Variants in DDX59 observed in about 807,000 individuals in gnomAD.
DDX59 encodes the protein probable ATP-dependent RNA helicase DDX59.
A neutral mutation model predicts 51.9 loss-of-function variants in DDX59; 30 were observed. The ratio of observed to expected loss-of-function variants is 0.58; its 90% CI spans 0.43 to 0.78. The LOEUF is 0.78. DDX59 is among the 30% of genes least tolerant of loss of function. DDX59 has a pLI of 0.00. For synonymous variants in DDX59, 255 were observed against 253.3 expected, an observed-to-expected ratio of 1.01 and a Z score of -0.06; for missense variants, 672 against 730.8, an observed-to-expected ratio of 0.92 and a Z score of 0.93.
chr1:200,658,966 A>G, intron 4 of DDX59, 61 bp downstream of exon 4: 2 of 1,354,474 alleles, frequency 1.5e-6, no homozygotes, highest in South Asian at 1.3e-5. Flanking sequence ...GAAATTATAT[A>G]ACTATACTTT....
Position 200,649,244 on chromosome 1 carries a change from T to C in DDX59, c.1315-18A>G, listed in dbSNP as rs751607825. ...TTCTTATCCTGAAAAATTAAAAACA[T>C]ATATCAAAAATTATTCATATAAAAT... On this transcript the variant is annotated intron_variant, in intron 5 of 7. Transcript: ENST00000331314. The C allele has an allele frequency of 7.1e-6, 11 of 1,552,548 alleles. No individual in the cohort carries two copies. The highest frequency in any genetic ancestry group is 6.9e-5 in the East Asian group (3 of 43,352).
intron 2 of DDX59, among the ~76,000 whole-genome samples, 168 bp from the exon 3 acceptor site, chr1:200,664,254 C>T (rs1662569735): frequency 6.6e-6 from 1 of 152,224 alleles, no homozygotes; most frequent in Admixed American, 6.5e-5. Context: ...CCAAAACCAT[C>T]ATAAATTAAA....
intron 4 of DDX59, among the ~76,000 whole-genome samples, chr1:200,653,896 G>C (rs1316976965): frequency 6.6e-6 from 1 of 151,900 alleles, no homozygotes; most frequent in Non-Finnish European, 1.5e-5. Flanking sequence ...CCCTCCCCTC[G>C]TTGCCACTGC....
rs947293544 is a variant in DDX59 at position 200,653,480 on chromosome 1, C to T, written c.1063-2804G>A. Among the ~76,000 whole-genome samples the T allele has an allele frequency of 2.6e-5, 4 of 152,264 alleles. No homozygotes were observed. In the East Asian group the frequency reaches 7.7e-4, roughly 29 times the overall value. On this transcript the variant is annotated intron_variant, in intron 4 of 7. Transcript: ENST00000331314. ...CCCAACTCATATTTGCAAGACTGCT[C>T]GCAATCCCGTCACCCCCATCCCATA...
intron 4 of DDX59, among the ~76,000 whole-genome samples, chr1:200,655,934 G>A (rs1455703554): frequency 1.3e-5 from 2 of 151,916 alleles, no homozygotes; most frequent in Admixed American, 6.6e-5. Flanking sequence ...GGGTTCAAGC[G>A]ATTCTCTTGC....
chr1:200,641,194 C>G, downstream of DDX59: 4 of 1,304,734 alleles, frequency 3.1e-6, no homozygotes, highest in Non-Finnish European at 4.0e-6. Flanking sequence ...GACTGTATAA[C>G]AAGGCAATAA....
chr1:200,644,922 C>T (rs1571604431), intron 7 of DDX59, among the ~76,000 whole-genome samples: 1 of 141,912 alleles, frequency 7.0e-6, no homozygotes, highest in East Asian at 2.1e-4. Flanking sequence ...AAAAAAGGAG[C>T]TTTACTAAGA....
chr1:200,641,139 A>G (rs1381905605), downstream of DDX59: 1 of 1,298,580 alleles, frequency 7.7e-7, no homozygotes, highest in Non-Finnish European at 1.0e-6. Flanking sequence ...CTCTTGTACC[A>G]TACCTCTGTT....
chr1:200,648,422 CAT>C lies in DDX59; in HGVS notation c.1596+15_1596+16del, dbSNP rs757967569. 3 of 1,611,878 alleles carry C rather than the reference CAT, an allele frequency of 1.9e-6. No homozygotes were observed. In the East Asian group the frequency reaches 6.7e-5, roughly 36 times the overall value. ...AAACTCGTGAACAAAATAGTGGTAACATATAAAGCTCCTTACCTGATGGACAT... is the reference window on the plus strand; with the variant it reads ...AAACTCGTGAACAAAATAGTGGTAACATAAAGCTCCTTACCTGATGGACAT... On this transcript the variant is annotated intron_variant, in intron 7 of 7. Transcript: ENST00000331314.
At chr1:200,659,456 G>T (rs984303651) in intron 3 of DDX59, among the ~76,000 whole-genome samples, 1 of 152,194 alleles carries the variant, frequency 6.6e-6, no homozygotes, top group African/African-American at 2.4e-5. Context: ...TCCTGAGGCT[G>T]GGAGGCCAGT....
intron 2 of DDX59, among the ~76,000 whole-genome samples, chr1:200,665,720 A>G (rs1009160101): frequency 2.6e-5 from 4 of 152,198 alleles, no homozygotes; most frequent in Non-Finnish European, 4.4e-5. Flanking sequence ...GATCGTCAAT[A>G]AAGAGATCTC....
downstream of DDX59, among the ~76,000 whole-genome samples, chr1:200,643,739 A>G (rs889372242): frequency 1.5e-5 from 1 of 65,478 alleles, no homozygotes; most frequent in African/African-American, 4.1e-5. Context: ...TTTGATAAGT[A>G]GCCTATCTTA....
At chr1:200,665,366 A>AATCACTTGAACCTGAACCTGGGAGACGG (rs1662651429) in intron 2 of DDX59, among the ~76,000 whole-genome samples, 1 of 152,066 alleles carries the variant, frequency 6.6e-6, no homozygotes, top group Non-Finnish European at 1.5e-5. Context: ...GAGGCAGGAG[A>AATCACTTGAACCTGAACCTGGGAGACGG]ATCACTTGAA....
At chr1:200,661,958 G>C (rs182620249) in intron 3 of DDX59, among the ~76,000 whole-genome samples, 151 of 152,150 alleles carry the variant, frequency 9.9e-4, no homozygotes, top group Middle Eastern at 3.4e-3. Context: ...GTTCTTGTGA[G>C]ATCTAGTTGT....
intron 3 of DDX59, among the ~76,000 whole-genome samples, chr1:200,661,704 T>C (rs1263263422): frequency 6.6e-6 from 1 of 152,248 alleles, no homozygotes; most frequent in Non-Finnish European, 1.5e-5. Flanking sequence ...ATTCTTGTGC[T>C]ATAAAAAGTG....
chr1:200,666,130 T>C lies in DDX59; in HGVS notation c.611A>G (p.Asp204Gly). 1.9e-6 allele frequency: 3 copies of C among 1,614,182 alleles called. No individual in the cohort carries two copies. The highest frequency in any genetic ancestry group is 1.7e-6 in the Non-Finnish European group (2 of 1,180,034). ...QGQEVTRPII[D>G]FEHCSLPEVL... ...CTCAGGGAGACTACAATGTTCAAAG[T>C]CAATAATGGGCCTGGTGACTTCTTG... Residue 204 changes from aspartate to glycine, a missense_variant, in exon 2 of 8, where the codon GAC becomes GGC. Coordinates refer to ENST00000331314, the MANE Select transcript of DDX59 (RefSeq NM_001031725.6).
At chr1:200,669,447 G>C (rs941556598) in intron 1 of DDX59, 4 of 152,828 alleles carry the variant, frequency 2.6e-5, no homozygotes, top group African/African-American at 7.2e-5. Context: ...TGCTGGGCGG[G>C]ACGGCGGACG....
At chr1:200,656,978 G>A (rs762513998) in intron 4 of DDX59, among the ~76,000 whole-genome samples, 26 of 151,636 alleles carry the variant, frequency 1.7e-4, no homozygotes, top group Non-Finnish European at 2.9e-4. Flanking sequence ...GGCCGGGTGC[G>A]GTGGCTCACA....
intron 7 of DDX59, among the ~76,000 whole-genome samples, chr1:200,645,057 A>G (rs531600681): frequency 6.6e-6 from 1 of 152,314 alleles, no homozygotes; most frequent in African/African-American, 2.4e-5. Flanking sequence ...GAGAGTGATC[A>G]CATAAAATAA....
Sources: allele counts gnomAD v4.1 joint callset (sites outside exome capture counted in the v4.1 genomes callset), GRCh38; gene constraint gnomAD v4.1.1; transcripts MANE v1.5; gene names NCBI Gene and HGNC (gene_info 2026-07-23, HGNC 2026-07-21).